The following KIDINS220 variants were observed in gnomAD, a reference collection of about 807,000 sequenced individuals.
KIDINS220 encodes the protein kinase D-interacting substrate of 220 kDa.
A neutral mutation model predicts 157.6 loss-of-function variants in KIDINS220; 63 were observed. The observed-to-expected ratio is 0.40, with a 90% confidence interval of 0.33 to 0.49. KIDINS220 has a LOEUF of 0.49. Among genes scored for constraint, KIDINS220 ranks in the 20% least tolerant of loss-of-function variants. The pLI is 0.66. For synonymous variants in KIDINS220, 732 were observed against 783.6 expected (o/e 0.93, Z 1.10); for missense variants, 1,772 against 2,171.2 (o/e 0.82, Z 3.65).
rs1673128315 is a variant in KIDINS220, at chr2:8,791,188, A to G, written c.1313T>C (p.Leu438Pro). 1 of 1,613,940 alleles carries G rather than the reference A, an allele frequency of 6.2e-7. No homozygotes were observed. The highest frequency in any genetic ancestry group is 1.1e-5 in the South Asian group (1 of 91,038). Residue 438 changes from leucine (L) to proline (P), a missense_variant, in exon 13 of 30, where the codon CTT (leucine) becomes CCT (proline). By Grantham distance (98) the Leu-to-Pro change is moderately conservative. Around this residue, in one of 3 missense-constraint regions of KIDINS220, gnomAD observed 725 missense variants for 1,017.1 expected, o/e 0.71. Transcript: ENST00000256707. ...GGCACTGCTATATAAATCATATCCA[A>G]GCATGTCACCGTCTGTTTCAGTAGG... ...LSPTETDGDM[L>P]GYDLYSSALA...
downstream of KIDINS220, among the ~76,000 whole-genome samples, chr2:8,727,773 A>T (rs1663484408): frequency 6.6e-6 from 1 of 152,244 alleles, no homozygotes. Flanking sequence ...GTAAAATATA[A>T]CACATAAACA....
At chr2:8,740,421 TA>T (rs1572443489) in intron 26 of KIDINS220, among the ~76,000 whole-genome samples, 6 of 152,052 alleles carry the variant, frequency 3.9e-5, no homozygotes, top group South Asian at 2.1e-4. Context: ...ATTATACTCC[TA>T]AAAAAAATTA....
At chr2:8,813,205 T>C (rs147200595) in intron 5 of KIDINS220, 32 bp downstream of exon 5, 141 of 1,516,602 alleles carry the variant, frequency 9.3e-5, no homozygotes, top group Non-Finnish European at 1.2e-4. Flanking sequence ...TTACCACTTA[T>C]AATACAAACA....
intron 6 of KIDINS220, among the ~76,000 whole-genome samples, chr2:8,807,725 A>G (rs1217091887): frequency 6.6e-6 from 1 of 152,206 alleles, no homozygotes; most frequent in African/African-American, 2.4e-5. Flanking sequence ...AAGGTTGCCA[A>G]TACAGCACAT....
At chr2:8,741,006 G>C (rs900845918) in intron 26 of KIDINS220, among the ~76,000 whole-genome samples, 2 of 152,084 alleles carry the variant, frequency 1.3e-5, no homozygotes, top group Admixed American at 1.3e-4. Flanking sequence ...CAATATCTGG[G>C]GCACTTCGTG....
chr2:8,730,289 G>A lies in KIDINS220; in HGVS notation c.*431C>T. 1 of 1,001,272 alleles carries A rather than the reference G, an allele frequency of 1.0e-6. No homozygotes were observed. The highest frequency in any genetic ancestry group is 1.2e-6 in the Non-Finnish European group (1 of 840,332). The allele number at this position is 1,001,272 out of a possible 1,614,324, so 62.0% of individuals were successfully genotyped here. A position where few individuals can be genotyped will look rare whatever the true frequency, so the allele number is the denominator to read the frequency against. On this transcript the variant is annotated 3_prime_UTR_variant, in exon 30 of 30. Transcript: ENST00000256707. The stretch of plus-strand genomic sequence containing the variant: ...CACTCACCTAGGTGAGCCCCTAAGA[G>A]CAGGGTTTGCTTCTGCTTCACCTAA...
intron 2 of KIDINS220, among the ~76,000 whole-genome samples, chr2:8,824,912 T>A (rs1678521460): frequency 6.6e-6 from 1 of 152,068 alleles, no homozygotes; most frequent in Admixed American, 6.6e-5. Flanking sequence ...CTAACTGAAA[T>A]AAGCCAGTGA....
At chr2:8,745,086 T>A (rs1666356126) in intron 26 of KIDINS220, among the ~76,000 whole-genome samples, 1 of 152,192 alleles carries the variant, frequency 6.6e-6, no homozygotes, top group African/African-American at 2.4e-5. Flanking sequence ...TAAAAGAAAC[T>A]ACAGACACCT....
intron 22 of KIDINS220, among the ~76,000 whole-genome samples, chr2:8,768,491 C>T (rs994722553): frequency 2.2e-4 from 34 of 152,108 alleles, no homozygotes; most frequent in African/African-American, 7.7e-4. Flanking sequence ...CACCAAACAC[C>T]AAGAACCAAC....
chr2:8,809,404 T>C (rs1339173554), intron 6 of KIDINS220, among the ~76,000 whole-genome samples: 1 of 152,080 alleles, frequency 6.6e-6, no homozygotes, highest in Non-Finnish European at 1.5e-5. Context: ...CCCTTCCAAA[T>C]TGAATTTTTG....
chr2:8,745,876 T>C (rs1289967964), intron 26 of KIDINS220, among the ~76,000 whole-genome samples: 4 of 152,224 alleles, frequency 2.6e-5, no homozygotes, highest in African/African-American at 9.6e-5. Context: ...TATTTCACCA[T>C]GTTAATTCTA....
rs1664460237 is a variant in KIDINS220, at chr2:8,733,658, T to C, written c.3839A>G (p.Glu1280Gly). The part of the protein sequence containing the change: ...RSTVLEMRNA[E>G]SHVVPEDPRF... ...TGGGTCTTCAGGGACCACGTGGCTT[T>C]CTGCGTTTCTCATTTCTAGTACCTT... Residue 1280 changes from glutamate (E) to glycine (G), a missense_variant, in exon 29 of 30, where the codon GAA (glutamate) becomes GGA (glycine). Glu to Gly is a moderately conservative substitution (Grantham distance 98). Transcript: ENST00000256707. 1.3e-6 allele frequency: 2 copies of C among 1,581,610 alleles called. No individual in the cohort carries two copies. The highest frequency in any genetic ancestry group is 1.7e-6 in the Non-Finnish European group (2 of 1,161,012).
At chr2:8,779,172 C>A (rs1350489366) in intron 18 of KIDINS220, 33 bp from the exon 19 acceptor site, 1 of 1,601,900 alleles carries the variant, frequency 6.2e-7, no homozygotes, top group Non-Finnish European at 8.5e-7. Flanking sequence ...TTGTGACATA[C>A]ATTTTAAATT....
intron 8 of KIDINS220, among the ~76,000 whole-genome samples, chr2:8,802,592 T>G (rs1413455618): frequency 1.3e-5 from 2 of 152,134 alleles, no homozygotes; most frequent in South Asian, 2.1e-4. Context: ...AGAGGCCAAT[T>G]AGACATTCAA....
chr2:8,774,329 G>C (rs1481572478), intron 21 of KIDINS220, among the ~76,000 whole-genome samples: 3 of 150,164 alleles, frequency 2.0e-5, no homozygotes, highest in African/African-American at 4.9e-5. Flanking sequence ...AAGAAAGATA[G>C]ATAGAAAACC....
chr2:8,751,775 G>A (rs750297891), intron 22 of KIDINS220, 131 bp from the exon 23 acceptor site: 53 of 641,308 alleles, frequency 8.3e-5, no homozygotes, highest in Non-Finnish European at 1.1e-4. Context: ...ATTACACATC[G>A]GCTCACTGCA....
intron 21 of KIDINS220, among the ~76,000 whole-genome samples, chr2:8,771,875 A>G (rs1670283551): frequency 6.6e-6 from 1 of 152,126 alleles, no homozygotes; most frequent in South Asian, 2.1e-4. Flanking sequence ...TATGCTGGAG[A>G]TATACACACA....
chr2:8,770,606 G>GTT (rs57679000), intron 22 of KIDINS220, 64 bp downstream of exon 22: 1,710 of 718,468 alleles, frequency 2.4e-3, no homozygotes, highest in Middle Eastern at 4.9e-3. Context: ...CTTTATACGC[G>GTT]TTTTTTTTTT....
At chr2:8,788,886 A>G (rs576378248) in intron 14 of KIDINS220, 74 bp from the exon 15 acceptor site, 3 of 1,352,356 alleles carry the variant, frequency 2.2e-6, no homozygotes, top group Non-Finnish European at 3.1e-6. Flanking sequence ...AAGATCAAGT[A>G]TCAAGTAATG....
Sources: allele counts gnomAD v4.1 joint callset (sites outside exome capture counted in the v4.1 genomes callset), GRCh38; gene constraint gnomAD v4.1.1; regional missense constraint gnomAD v4.1.1; transcripts MANE v1.5; gene names NCBI Gene and HGNC (gene_info 2026-07-23, HGNC 2026-07-21).